PIAS2: variants seen among roughly 807,000 people sequenced by gnomAD.
PIAS2 encodes protein inhibitor of activated STAT 2.
A neutral mutation model predicts 69.7 loss-of-function variants in PIAS2; 19 were observed. The ratio of observed to expected loss-of-function variants is 0.27; its 90% CI spans 0.19 to 0.40. The LOEUF (loss-of-function observed/expected upper bound fraction) is 0.40, where lower values mean the gene tolerates loss of function less well. PIAS2 is among the 10% of genes least tolerant of loss of function. The pLI, the probability that PIAS2 is intolerant of heterozygous loss-of-function variation, is 1.00. For synonymous variants in PIAS2, 261 were observed against 263.2 expected (o/e 0.99, Z 0.08); for missense variants, 624 against 757.0 (o/e 0.82, Z 2.06).
chr18:46,872,866 T>A (rs146240156), intron 2 of PIAS2, among the ~76,000 whole-genome samples: 1 of 152,338 alleles, frequency 6.6e-6, no homozygotes, highest in African/African-American at 2.4e-5. Flanking sequence ...TATGGACTTC[T>A]GATGAAATCC....
intron 1 of PIAS2, among the ~76,000 whole-genome samples, chr18:46,911,126 G>A (rs2057211376): frequency 6.6e-6 from 1 of 151,902 alleles, no homozygotes; most frequent in African/African-American, 2.4e-5. Context: ...CAAGCTGAAT[G>A]GCTACAACAT....
At position 46,818,316 on chromosome 18, in the gene PIAS2, T is replaced by A. The variant is rs74405718; in HGVS notation, c.1648+2617A>T. On this transcript the variant is annotated intron_variant, in intron 12 of 13. Transcript: ENST00000585916. ...ACTAGCAATAATAAGGCAGTCATATTTTTCCTTGAAATAAGCTGTTTTCCA... is the reference window on the plus strand; with the variant it reads ...ACTAGCAATAATAAGGCAGTCATATATTTCCTTGAAATAAGCTGTTTTCCA... 88 of 1,435,604 alleles carry A rather than the reference T, an allele frequency of 6.1e-5. No homozygotes were observed. In the East Asian group the frequency reaches 1.6e-3, roughly 26 times the overall value. 88.9% of individuals were successfully genotyped at this position (1,435,604 alleles called of 1,614,324 possible).
chr18:46,900,515 A>C (rs1329040063), intron 1 of PIAS2, among the ~76,000 whole-genome samples: 1 of 152,008 alleles, frequency 6.6e-6, no homozygotes, highest in Non-Finnish European at 1.5e-5. Context: ...CAAAAAAAAA[A>C]AATTGTTTTT....
chr18:46,867,516 T>C (rs2049666019), intron 2 of PIAS2, among the ~76,000 whole-genome samples: 1 of 152,202 alleles, frequency 6.6e-6, no homozygotes, highest in African/African-American at 2.4e-5. Context: ...TGCAGTTTAT[T>C]TTCTCCCCAT....
At chr18:46,893,877 A>G (rs923328182) in intron 1 of PIAS2, among the ~76,000 whole-genome samples, 5 of 152,258 alleles carry the variant, frequency 3.3e-5, no homozygotes, top group African/African-American at 1.2e-4. Context: ...TTATAATCTC[A>G]GCACTCTGGG....
At chr18:46,891,145 G>C (rs1227992249) in intron 1 of PIAS2, 91 bp from the exon 2 acceptor site, 2 of 935,846 alleles carry the variant, frequency 2.1e-6, no homozygotes, top group Non-Finnish European at 3.2e-6. Context: ...GATTTTTCCA[G>C]CATTCTATCA....
At chr18:46,860,688 A>T (rs935506806) in intron 3 of PIAS2, among the ~76,000 whole-genome samples, 7 of 152,174 alleles carry the variant, frequency 4.6e-5, no homozygotes, top group African/African-American at 1.7e-4. Flanking sequence ...ACGGGCTGGG[A>T]ATGCTGGCTC....
At position 46,806,996 on chromosome 18, in the gene PIAS2, C is replaced by G. The variant is rs1197028458; in HGVS notation, c.*5437G>C. On this transcript the variant is annotated 3_prime_UTR_variant, in exon 14 of 14. Transcript: ENST00000585916. The stretch of plus-strand genomic sequence containing the variant: ...TGTTTTTTTCTTTCCCTGCAGCTAC[C>G]CTTATTGGAAACATAAGGGAATATA... 6.6e-6 allele frequency: 1 copy of G among 151,908 alleles called. No individual in the cohort carries two copies. The highest frequency in any genetic ancestry group is 1.5e-5 in the Non-Finnish European group (1 of 68,012). 9.4% of individuals were successfully genotyped at this position (151,908 alleles called of 1,614,324 possible). A position where few individuals can be genotyped will look rare whatever the true frequency, so the allele number is the denominator to read the frequency against.
At chr18:46,870,107 C>A (rs987567819) in intron 2 of PIAS2, among the ~76,000 whole-genome samples, 4 of 152,062 alleles carry the variant, frequency 2.6e-5, no homozygotes, top group Admixed American at 2.0e-4. Flanking sequence ...ATGCCCCGTG[C>A]CCTCCCTAAC....
intron 1 of PIAS2, chr18:46,916,979 G>A: frequency 3.0e-6 from 3 of 986,002 alleles, no homozygotes; most frequent in African/African-American, 3.5e-5. Context: ...AAGATCAAAC[G>A]TTGCTTCCCA....
intron 2 of PIAS2, among the ~76,000 whole-genome samples, chr18:46,871,216 G>A (rs548389626): frequency 6.6e-6 from 1 of 152,284 alleles, no homozygotes; most frequent in Admixed American, 6.5e-5. Context: ...AAAAGTATAT[G>A]TGAGAAGAGA....
intron 2 of PIAS2, among the ~76,000 whole-genome samples, chr18:46,877,885 T>C (rs2051507030): frequency 6.6e-6 from 1 of 152,176 alleles, no homozygotes; most frequent in African/African-American, 2.4e-5. Flanking sequence ...CATAATAAAA[T>C]ACCTGCTTTA....
chr18:46,832,220 G>A (rs2043730628), intron 9 of PIAS2, among the ~76,000 whole-genome samples: 1 of 151,964 alleles, frequency 6.6e-6, no homozygotes, highest in Non-Finnish European at 1.5e-5. Context: ...TTCGAGACCA[G>A]CCTGACCAAC....
chr18:46,884,438 G>C (rs537590611), intron 2 of PIAS2, among the ~76,000 whole-genome samples: 1 of 151,526 alleles, frequency 6.6e-6, no homozygotes, highest in African/African-American at 2.4e-5. Context: ...TCAGCCTCCC[G>C]AGTAGCTGGG....
chr18:46,822,774 G>C (rs995256137), intron 11 of PIAS2, among the ~76,000 whole-genome samples: 1 of 152,136 alleles, frequency 6.6e-6, no homozygotes, highest in East Asian at 1.9e-4. Context: ...AAGGAGGAGA[G>C]AGAGACTGGG....
At position 46,890,591 on chromosome 18, in the gene PIAS2, G is replaced by T; in HGVS notation, c.488C>A (p.Pro163His). 1 of 1,604,872 alleles carries T rather than the reference G, an allele frequency of 6.2e-7. No individual in the cohort carries two copies. The highest frequency in any genetic ancestry group is 2.2e-5 in the East Asian group (1 of 44,804). ...FYDVLDVLIK[P>H]TSLVQSSIQR... is the part of the protein sequence containing the mutation. ...TCTCAAACACTTACCTAAACTCGTG[G>T]GCTTGATGAGAACATCAAGGACATC... The change falls in exon 2 of 14, where the codon CCC becomes CAC. Residue 163 changes from proline to histidine, a missense_variant. Physicochemically the swap from Pro to His is moderately conservative, Grantham distance 77 (BLOSUM62 -2). Coordinates refer to ENST00000585916, the MANE Select transcript of PIAS2 (RefSeq NM_004671.5).
chr18:46,831,723 T>C lies in PIAS2; in HGVS notation c.1203-1856A>G, dbSNP rs149340328. 1.4e-4 allele frequency among the ~76,000 whole-genome samples: 22 copies of C among 152,292 alleles called. No individual in the cohort carries two copies. The South Asian group carries it at 1.4e-3, about 10-fold the overall frequency. ...ATGAGGAAAAACAAATCTTAACAAA[T>C]GATGGTGCAGCAATCACATGGCCAT... On this transcript the variant is annotated intron_variant, in intron 9 of 13. Coordinates refer to ENST00000585916, the MANE Select transcript of PIAS2 (RefSeq NM_004671.5).
chr18:46,907,738 C>T (rs537975825), intron 1 of PIAS2: 7 of 151,944 alleles, frequency 4.6e-5, no homozygotes, highest in African/African-American at 9.7e-5. Context: ...ATTTGCAGGA[C>T]GTGAAACCCA....
intron 1 of PIAS2, among the ~76,000 whole-genome samples, chr18:46,896,659 T>C (rs1467553011): frequency 6.6e-6 from 1 of 152,264 alleles, no homozygotes; most frequent in African/African-American, 2.4e-5. Context: ...ACCAAACTTT[T>C]AGGCAAAAGC....
Sources: allele counts gnomAD v4.1 joint callset (sites outside exome capture counted in the v4.1 genomes callset), GRCh38; gene constraint gnomAD v4.1.1; transcripts MANE v1.5; gene names NCBI Gene and HGNC (gene_info 2026-07-23, HGNC 2026-07-21).